SATB2: variants seen among roughly 807,000 people sequenced by gnomAD.
SATB2 encodes DNA-binding protein SATB2.
A neutral mutation model predicts 73.4 loss-of-function variants in SATB2; 1 was observed. The ratio of observed to expected loss-of-function variants is 0.01; its 90% CI spans 0.00 to 0.06. The LOEUF is 0.06. SATB2 is among the 10% of genes least tolerant of loss of function. The pLI is 1.00. For synonymous variants in SATB2, 397 were observed against 367.0 expected (o/e 1.08, Z -0.93); for missense variants, 459 against 945.8 (o/e 0.49, Z 6.75).
intron 3 of SATB2, among the ~76,000 whole-genome samples, chr2:199,395,533 C>T (rs1690274345): frequency 6.6e-6 from 1 of 152,098 alleles, no homozygotes; most frequent in Non-Finnish European, 1.5e-5. Flanking sequence ...CCACCTCATT[C>T]ATCTAAGCTA....
At chr2:199,360,531 C>T (rs1689108695) in intron 6 of SATB2, among the ~76,000 whole-genome samples, 1 of 152,156 alleles carries the variant, frequency 6.6e-6, no homozygotes, top group African/African-American at 2.4e-5. Context: ...TCACCGTCCA[C>T]TCCATCTCTA....
intron 2 of SATB2, among the ~76,000 whole-genome samples, chr2:199,450,545 C>T (rs2105950142): frequency 6.6e-6 from 1 of 152,108 alleles, no homozygotes; most frequent in Middle Eastern, 3.5e-3. Flanking sequence ...ATTTTACACA[C>T]CTAATGTGGG....
At chr2:199,400,128 T>C (rs1690427300) in intron 3 of SATB2, among the ~76,000 whole-genome samples, 1 of 152,188 alleles carries the variant, frequency 6.6e-6, no homozygotes. Flanking sequence ...GCACTTTTCC[T>C]ATTCCCTCCA....
intron 10 of SATB2, among the ~76,000 whole-genome samples, chr2:199,287,397 TC>T (rs1235494176): frequency 6.6e-6 from 1 of 152,164 alleles, no homozygotes; most frequent in African/African-American, 2.4e-5. Flanking sequence ...GAGACATCAC[TC>T]AGTCAGCCAA....
In SATB2 at chr2:199,270,880, GGC is replaced by G. The variant is rs2105703687; in HGVS notation, c.*1329_*1330del. ...ACGATTCAAAAACAGTTCTTGTTAG[GGC>G]TGTCATCCCAGGAAAAGGGACAGGA... On this transcript the variant is annotated 3_prime_UTR_variant, in exon 11 of 11. Coordinates refer to ENST00000417098, the MANE Select transcript of SATB2 (RefSeq NM_001172509.2). The G allele has an allele frequency of 6.6e-6, 1 of 152,408 alleles. No individual in the cohort carries two copies. The highest frequency in any genetic ancestry group is 1.5e-5 in the Non-Finnish European group (1 of 68,028). 9.4% of individuals were successfully genotyped at this position (152,408 alleles called of 1,614,324 possible).
intron 10 of SATB2, among the ~76,000 whole-genome samples, chr2:199,290,720 A>G (rs1692832235): frequency 6.6e-6 from 1 of 152,324 alleles, no homozygotes; most frequent in South Asian, 2.1e-4. Context: ...CAAGAAATAT[A>G]TAGGATATTC....
At position 199,272,157 on chromosome 2, in the gene SATB2, T is replaced by G. The variant is rs897213025; in HGVS notation, c.*54A>C. ...AACTAACAAAAAACTTTTAAAGAAA[T>G]GAAAGCAGAAAATCCTTGGACCGAT... is the stretch of plus-strand genomic sequence containing the variant. On this transcript the variant is annotated 3_prime_UTR_variant, in exon 11 of 11. Coordinates refer to ENST00000417098, the MANE Select transcript of SATB2 (RefSeq NM_001172509.2). This position sits in a 1 kb window ranked among gnomAD's most constrained non-coding sequence, Gnocchi z 6.7. The G allele has an allele frequency of 1.9e-6, 3 of 1,542,862 alleles. No individual in the cohort carries two copies. The highest frequency in any genetic ancestry group is 2.7e-6 in the Non-Finnish European group (3 of 1,118,184).
intron 3 of SATB2, among the ~76,000 whole-genome samples, chr2:199,405,437 G>A (rs1690602689): frequency 6.6e-6 from 1 of 152,132 alleles, no homozygotes; most frequent in Admixed American, 6.5e-5. Flanking sequence ...AGGTTTATAT[G>A]AGCCCAGGAA....
At position 199,463,923 on chromosome 2, in the gene SATB2, G is replaced by T. The variant is rs537684143; in HGVS notation, c.-141+913C>A. On this transcript the variant is annotated intron_variant, in intron 1 of 11. Coordinates refer to the SATB2 transcript ENST00000260926. The surrounding 1 kb of genome is among the most constrained non-coding windows in gnomAD (Gnocchi z 6.4). ...AGCCGGGTGCAAGGGGGCCCAAACC[G>T]CAGTTGCCTCCCGAACGCTTTGAGG... Among the ~76,000 whole-genome samples the T allele has an allele frequency of 4.6e-5, 7 of 152,260 alleles. No homozygotes were observed. The highest frequency in any genetic ancestry group is 1.7e-4 in the African/African-American group (7 of 41,568).
intron 8 of SATB2, among the ~76,000 whole-genome samples, chr2:199,327,453 A>G (rs1030414138): frequency 9.2e-5 from 14 of 152,168 alleles, no homozygotes; most frequent in African/African-American, 3.4e-4. Context: ...AAACAAACAA[A>G]AAAAATTTAT....
chr2:199,437,946 T>C (rs138194994), intron 2 of SATB2, among the ~76,000 whole-genome samples: 1,628 of 152,212 alleles, frequency 0.011, 36 homozygotes, highest in African/African-American at 0.037. Flanking sequence ...ACATGCCCCA[T>C]GGCAAAAAAG....
At chr2:199,467,436 A>G (rs1389618285), upstream of SATB2, 1 of 152,228 alleles carries the variant, frequency 6.6e-6, no homozygotes, top group African/African-American at 2.4e-5. Context: ...GCTTCAGCCG[A>G]AGCGTTTTTC....
chr2:199,454,889 A>G (rs1692229171), intron 2 of SATB2, among the ~76,000 whole-genome samples: 1 of 152,194 alleles, frequency 6.6e-6, no homozygotes, highest in Non-Finnish European at 1.5e-5. Flanking sequence ...ATATCATTTA[A>G]GACAAGTTAA....
At chr2:199,316,249 A>G (rs1687733082) in intron 9 of SATB2, among the ~76,000 whole-genome samples, 1 of 152,058 alleles carries the variant, frequency 6.6e-6, no homozygotes, top group African/African-American at 2.4e-5. Context: ...TTCTCTTTTC[A>G]TGAATCCAAT....
At chr2:199,358,297 A>G (rs1381928181) in intron 6 of SATB2, among the ~76,000 whole-genome samples, 2 of 152,026 alleles carry the variant, frequency 1.3e-5, no homozygotes, top group Non-Finnish European at 2.9e-5. Flanking sequence ...TTATTATACA[A>G]AAAAAAATTC....
At chr2:199,391,624 A>T (rs1574581566) in intron 3 of SATB2, among the ~76,000 whole-genome samples, 1 of 152,240 alleles carries the variant, frequency 6.6e-6, no homozygotes, top group Non-Finnish European at 1.5e-5. Context: ...TGTCATATTT[A>T]AAGGCTGTAA....
intron 10 of SATB2, among the ~76,000 whole-genome samples, chr2:199,277,726 T>C (rs2105716575): frequency 6.6e-6 from 1 of 152,346 alleles, no homozygotes; most frequent in Non-Finnish European, 1.5e-5. Context: ...TAATAGGTGC[T>C]ACCATTCATA....
At chr2:199,410,038 AT>A (rs1186846231) in intron 3 of SATB2, among the ~76,000 whole-genome samples, 2 of 152,154 alleles carry the variant, frequency 1.3e-5, no homozygotes, top group Non-Finnish European at 2.9e-5. Flanking sequence ...GCCCAGAGTG[AT>A]TAATAACCTG....
chr2:199,341,765 C>A (rs953487744), intron 7 of SATB2, among the ~76,000 whole-genome samples: 2 of 152,178 alleles, frequency 1.3e-5, no homozygotes, highest in Admixed American at 6.5e-5. Context: ...TACCCTATGG[C>A]ATGACCAATT....
Sources: gnomAD v4.1 joint callset for allele counts (sites outside exome capture counted in the v4.1 genomes callset) on GRCh38, gnomAD v4.1.1 for gene constraint, Gnocchi (gnomAD v3.1) non-coding constraint, MANE v1.5 for transcripts, NCBI Gene and HGNC (gene_info 2026-07-23, HGNC 2026-07-21) for gene names.